PDE8A: variants seen among roughly 807,000 people sequenced by gnomAD.
PDE8A encodes phosphodiesterase 8A, also known as high affinity cAMP-specific and IBMX-insensitive 3',5'-cyclic phosphodiesterase 8A.
PDE8A carries 59 observed loss-of-function variants against 105.0 expected under a neutral mutation model. The observed-to-expected ratio is 0.56, with a 90% CI of 0.46 to 0.70. The LOEUF (loss-of-function observed/expected upper bound fraction) is 0.70. Ranked by LOEUF, PDE8A falls within the 30% of genes least tolerant of loss-of-function variation. The pLI is 0.00. For missense variants in PDE8A, 1,014 were observed against 1,045.9 expected (o/e 0.97, Z 0.42); for synonymous variants, 355 against 371.9 (o/e 0.95, Z 0.52).
intron 1 of PDE8A, among the ~76,000 whole-genome samples, chr15:85,039,045 C>T (rs1319315149): frequency 6.6e-6 from 1 of 151,474 alleles, no homozygotes; most frequent in South Asian, 2.1e-4. Flanking sequence ...TGCTTGAACT[C>T]GGGAGGCAGA....
chr15:85,064,666 G>T (rs943197235), intron 2 of PDE8A, among the ~76,000 whole-genome samples: 1 of 152,146 alleles, frequency 6.6e-6, no homozygotes, highest in East Asian at 1.9e-4. Flanking sequence ...CATTGGTTCA[G>T]CAATAGGTCA....
chr15:85,103,960 C>T (rs2081907308), intron 11 of PDE8A, among the ~76,000 whole-genome samples: 1 of 152,222 alleles, frequency 6.6e-6, no homozygotes, highest in South Asian at 2.1e-4. Flanking sequence ...TCTCCCTCCC[C>T]TACTGAGAGG....
At chr15:85,065,127 A>AT (rs1017491521) in intron 2 of PDE8A, among the ~76,000 whole-genome samples, 4 of 152,184 alleles carry the variant, frequency 2.6e-5, no homozygotes, top group African/African-American at 9.7e-5. Flanking sequence ...TTTAGTGTTC[A>AT]TTTTCATTCA....
chr15:85,037,919 T>C (rs2080733791), intron 1 of PDE8A, among the ~76,000 whole-genome samples: 1 of 152,226 alleles, frequency 6.6e-6, no homozygotes, highest in Non-Finnish European at 1.5e-5. Flanking sequence ...CATAAGTAAC[T>C]CATTTCCCCT....
intron 1 of PDE8A, among the ~76,000 whole-genome samples, chr15:85,058,452 A>G (rs918948191): frequency 9.2e-5 from 14 of 152,118 alleles, no homozygotes; most frequent in Non-Finnish European, 8.8e-5. Context: ...TTTCTCTTCA[A>G]TTTTTTGTAA....
chr15:85,071,894 GT>G (rs1472008911), intron 3 of PDE8A, among the ~76,000 whole-genome samples: 2 of 152,184 alleles, frequency 1.3e-5, no homozygotes, highest in Non-Finnish European at 2.9e-5. Flanking sequence ...ATAAGACACT[GT>G]AGAACCTTTT....
intron 2 of PDE8A, among the ~76,000 whole-genome samples, chr15:85,064,753 T>C (rs1002382778): frequency 5.3e-5 from 8 of 152,064 alleles, no homozygotes. Context: ...TGAGGAGTCC[T>C]TGAGGAGTTT....
intron 21 of PDE8A, among the ~76,000 whole-genome samples, chr15:85,137,162 A>C (rs975803141): frequency 6.6e-6 from 1 of 152,158 alleles, no homozygotes; most frequent in African/African-American, 2.4e-5. Context: ...CTGCACCTTG[A>C]AGGAGGGGCT....
chr15:85,013,302 C>G (rs1245525355), intron 1 of PDE8A, among the ~76,000 whole-genome samples: 2 of 152,212 alleles, frequency 1.3e-5, no homozygotes, highest in South Asian at 4.1e-4. Flanking sequence ...TATACCCTGC[C>G]TCTACCACTG....
chr15:85,007,068 A>G (rs556620850), intron 1 of PDE8A, among the ~76,000 whole-genome samples: 26 of 152,190 alleles, frequency 1.7e-4, no homozygotes, highest in Non-Finnish European at 8.8e-5. Context: ...ATAGACAGTT[A>G]GATTGATCTG....
intron 11 of PDE8A, among the ~76,000 whole-genome samples, chr15:85,103,449 TAGC>T (rs2081898596): frequency 2.0e-5 from 3 of 152,130 alleles, no homozygotes; most frequent in Non-Finnish European, 2.9e-5. Flanking sequence ...CCTACCCCCT[TAGC>T]AGCATAACCA....
At chr15:85,125,746 G>A (rs751008603) in intron 19 of PDE8A, among the ~76,000 whole-genome samples, 9 of 152,164 alleles carry the variant, frequency 5.9e-5, no homozygotes, top group Non-Finnish European at 8.8e-5. Flanking sequence ...TGAGAAGTAC[G>A]GAGGCTGTTG....
At chr15:85,025,206 A>T (rs532812561) in intron 1 of PDE8A, among the ~76,000 whole-genome samples, 38 of 152,084 alleles carry the variant, frequency 2.5e-4, no homozygotes, top group Non-Finnish European at 3.2e-4. Context: ...CTGAATTTTG[A>T]CTTGAGGCTC....
chr15:85,024,300 C>T (rs2141360782), intron 1 of PDE8A, among the ~76,000 whole-genome samples: 1 of 152,322 alleles, frequency 6.6e-6, no homozygotes, highest in South Asian at 2.1e-4. Context: ...TCTTTGCATC[C>T]CTGGCACAGT....
In PDE8A at chr15:85,123,071, C is replaced by G. The variant is rs375401413; in HGVS notation, c.1963C>G (p.Arg655Gly). 2.5e-6 allele frequency: 4 copies of G among 1,613,830 alleles called. No homozygotes were observed. Among genetic ancestry groups the G allele is most frequent in the Non-Finnish European group, 3.4e-6 (4 of 1,179,848 alleles). Residue 655 changes from arginine to glycine, a missense_variant, in exon 19 of 22, where the codon CGG becomes GGG. By Grantham distance (125) the Arg-to-Gly change is moderately radical. Transcript: ENST00000394553. Reference sequence around the variant, plus strand: ...TGTCATCGAAAACAGGAATGATTATCGGACACTGCGCCAGGGGATTATCGA... The same window carrying G: ...TGTCATCGAAAACAGGAATGATTATGGGACACTGCGCCAGGGGATTATCGA... The part of the protein sequence containing the change: ...IFKNMERNDY[R>G]TLRQGIIDMV...
At chr15:85,026,302 T>C (rs289397) in intron 1 of PDE8A, among the ~76,000 whole-genome samples, 114,370 of 151,230 alleles carry the variant, frequency 0.76, 44,237 homozygotes, top group Non-Finnish European at 0.85. Flanking sequence ...TTGGAGGCTC[T>C]TTTACTCCAC....
chr15:85,119,173 A>G (rs573479375), intron 17 of PDE8A, among the ~76,000 whole-genome samples: 57 of 152,140 alleles, frequency 3.7e-4, no homozygotes, highest in Non-Finnish European at 7.1e-4. Flanking sequence ...AGCTAACTGA[A>G]AACAGTTTAT....
At chr15:85,081,598 A>G (rs942537338) in intron 5 of PDE8A, among the ~76,000 whole-genome samples, 2 of 152,160 alleles carry the variant, frequency 1.3e-5, no homozygotes, top group African/African-American at 4.8e-5. Context: ...CCGCTGTTTA[A>G]GCAGAGGGAA....
At chr15:85,003,526 A>G (rs1222512538) in intron 1 of PDE8A, among the ~76,000 whole-genome samples, 3 of 152,184 alleles carry the variant, frequency 2.0e-5, no homozygotes, top group African/African-American at 4.8e-5. Flanking sequence ...ACTGATCAGA[A>G]CAATAGCTGT....
Sources: allele counts gnomAD v4.1 joint callset (sites outside exome capture counted in the v4.1 genomes callset), GRCh38; gene constraint gnomAD v4.1.1; transcripts MANE v1.5; gene names NCBI Gene and HGNC (gene_info 2026-07-23, HGNC 2026-07-21).